GPHN: variants seen among roughly 807,000 people sequenced by gnomAD.
GPHN encodes the protein gephyrin.
In GPHN, 17 loss-of-function variants were observed where a neutral mutation model predicts 95.5. The ratio of observed to expected loss-of-function variants is 0.18; its 90% confidence interval spans 0.12 to 0.27. GPHN has a LOEUF of 0.27. GPHN is among the 10% of genes least tolerant of loss of function. The pLI, the probability that GPHN is intolerant of heterozygous loss-of-function variation, is 1.00. For missense variants in GPHN, 660 were observed against 978.1 expected, an observed-to-expected ratio of 0.67 and a Z score of 4.34; for synonymous variants, 320 against 322.5, an observed-to-expected ratio of 0.99 and a Z score of 0.08.
intron 3 of GPHN, among the ~76,000 whole-genome samples, chr14:66,785,430 C>T (rs8016578): frequency 6.6e-6 from 1 of 151,726 alleles, no homozygotes; most frequent in Non-Finnish European, 1.5e-5. Flanking sequence ...TAATATCAGA[C>T]CAAGTAGACT....
the GPHN span, among the ~76,000 whole-genome samples, chr14:67,248,229 A>G: frequency 1.3e-5 from 2 of 152,164 alleles, no homozygotes; most frequent in Non-Finnish European, 2.9e-5. Flanking sequence ...ATTAACATTT[A>G]TTCTTAAAAA....
chr14:66,786,803 T>C (rs1236011044), intron 3 of GPHN, among the ~76,000 whole-genome samples: 9 of 151,978 alleles, frequency 5.9e-5, no homozygotes, highest in Admixed American at 5.9e-4. Context: ...GATGCAAAAA[T>C]AGCATCTGAC....
the GPHN span, among the ~76,000 whole-genome samples, chr14:67,299,573 A>G: frequency 6.6e-6 from 1 of 152,220 alleles, no homozygotes; most frequent in Admixed American, 6.5e-5. Context: ...TTTTAAAGAT[A>G]AGGGATTAGA....
the GPHN span, among the ~76,000 whole-genome samples, chr14:67,344,384 CTTGAG>C: frequency 6.6e-6 from 1 of 152,180 alleles, no homozygotes; most frequent in Non-Finnish European, 1.5e-5. Flanking sequence ...ACAGGCTTTA[CTTGAG>C]TTGACACTAT....
At chr14:66,838,426 C>A (rs1413056166) in intron 4 of GPHN, among the ~76,000 whole-genome samples, 1 of 151,870 alleles carries the variant, frequency 6.6e-6, no homozygotes, top group Non-Finnish European at 1.5e-5. Context: ...AGTATAGTTG[C>A]AGAAAAGGAA....
At chr14:67,579,664 C>T in the GPHN span, 6 of 1,551,834 alleles carry the variant, frequency 3.9e-6, no homozygotes, top group Non-Finnish European at 5.3e-6. Flanking sequence ...CTCCACCAGC[C>T]CTAGTGAGCT....
At chr14:67,045,408 G>C (rs117276820) in intron 10 of GPHN, among the ~76,000 whole-genome samples, 1,834 of 150,026 alleles carry the variant, frequency 0.012, 19 homozygotes, top group Non-Finnish European at 0.018. Context: ...CTCTCTCTCT[G>C]TGTCTCTCTC....
chr14:67,320,223 C>G, the GPHN span: 1 of 1,593,226 alleles, frequency 6.3e-7, no homozygotes, highest in Non-Finnish European at 8.5e-7. Flanking sequence ...ACTTTTTTTT[C>G]CCAAAGATTA....
At chr14:67,359,563 G>A in the GPHN span, 1 of 1,409,230 alleles carries the variant, frequency 7.1e-7, no homozygotes, top group Non-Finnish European at 9.9e-7. Flanking sequence ...GATCCTCCCA[G>A]GAAACAAGGA....
intron 2 of GPHN, among the ~76,000 whole-genome samples, chr14:66,774,556 A>G (rs748393948): frequency 4.6e-5 from 7 of 152,122 alleles, no homozygotes; most frequent in Non-Finnish European, 1.0e-4. Flanking sequence ...ATAATTTAGC[A>G]TTTTTAAACC....
At chr14:66,997,910 A>G (rs764735331) in intron 9 of GPHN, among the ~76,000 whole-genome samples, 6 of 152,342 alleles carry the variant, frequency 3.9e-5, no homozygotes, top group South Asian at 2.1e-4. Flanking sequence ...CACATTTTCT[A>G]TAGGTCTTTT....
the GPHN span, chr14:67,620,078 C>T: frequency 6.2e-7 from 1 of 1,606,558 alleles, no homozygotes; most frequent in African/African-American, 1.3e-5. Flanking sequence ...GCCCCGTTCT[C>T]ACAAGGGCAG....
At chr14:66,601,773 C>T (rs1338785087) in intron 1 of GPHN, among the ~76,000 whole-genome samples, 1 of 151,682 alleles carries the variant, frequency 6.6e-6, no homozygotes, top group African/African-American at 2.4e-5. Flanking sequence ...GGGAAAAATT[C>T]AAGTAAATAT....
At chr14:66,545,185 G>A (rs2059502137) in intron 1 of GPHN, among the ~76,000 whole-genome samples, 2 of 150,526 alleles carry the variant, frequency 1.3e-5, no homozygotes, top group Admixed American at 6.6e-5. Context: ...CCTCCCGGAC[G>A]GAGCGGCTGG....
the GPHN span, chr14:67,592,355 T>G: frequency 4.4e-6 from 2 of 450,200 alleles, no homozygotes; most frequent in Admixed American, 3.5e-5. Context: ...CAGGAGGATT[T>G]CTTGAGCCTG....
the GPHN span, chr14:67,619,909 C>G: frequency 9.6e-7 from 1 of 1,041,938 alleles, no homozygotes; most frequent in African/African-American, 1.7e-5. Context: ...CAGCGGCGGG[C>G]GGTGGCGCTC....
chr14:67,243,192 T>C, the GPHN span, among the ~76,000 whole-genome samples: 1 of 151,882 alleles, frequency 6.6e-6, no homozygotes, highest in Non-Finnish European at 1.5e-5. Flanking sequence ...AATTGTCTTT[T>C]CTTTTTTTTT....
the GPHN span, chr14:67,199,701 C>T: frequency 3.2e-6 from 5 of 1,582,332 alleles, no homozygotes; most frequent in Admixed American, 8.4e-5. Flanking sequence ...TTTGCAGATG[C>T]ACCTCCTTCA....
At chr14:67,200,250 C>A in the GPHN span, 2 of 894,520 alleles carry the variant, frequency 2.2e-6, no homozygotes, top group Non-Finnish European at 3.4e-6. Context: ...TGGCTACCAG[C>A]CTCTCCCTCC....
Sources: allele counts gnomAD v4.1 joint callset (sites outside exome capture counted in the v4.1 genomes callset), GRCh38; gene constraint gnomAD v4.1.1; transcripts MANE v1.5; gene names NCBI Gene and HGNC (gene_info 2026-07-23, HGNC 2026-07-21).